The following UACA variants were observed in gnomAD, a reference collection of about 807,000 sequenced individuals.
The protein encoded by UACA is nuclear membrane binding protein.
Under a neutral mutation model 160.5 loss-of-function variants are expected in UACA, and 112 were observed. The ratio of observed to expected loss-of-function variants is 0.70; its 90% confidence interval spans 0.60 to 0.82. UACA has a LOEUF of 0.82. Among genes scored for constraint, UACA ranks in the 40% least tolerant of loss-of-function variants. UACA has a pLI of 0.00. For missense variants in UACA, 1,574 were observed against 1,614.6 expected (o/e 0.97, Z 0.43); for synonymous variants, 557 against 568.4 (o/e 0.98, Z 0.29).
intron 2 of UACA, among the ~76,000 whole-genome samples, chr15:70,697,225 T>C (rs1038222729): frequency 1.3e-5 from 2 of 152,174 alleles, no homozygotes; most frequent in Non-Finnish European, 2.9e-5. Context: ...AGTAAAAAGT[T>C]ACTAGGCCAA....
chr15:70,723,109 T>C (rs1224867205), intron 1 of UACA, among the ~76,000 whole-genome samples: 3 of 152,198 alleles, frequency 2.0e-5, no homozygotes, highest in Non-Finnish European at 4.4e-5. Flanking sequence ...TTCCTCATTT[T>C]AAAAATAATG....
chr15:70,764,005 C>G (rs1274887579), upstream of UACA, among the ~76,000 whole-genome samples: 8 of 152,232 alleles, frequency 5.3e-5, no homozygotes, highest in African/African-American at 1.9e-4. Flanking sequence ...TGTTTTACTA[C>G]CAAATCCTGG....
At chr15:70,747,048 C>T (rs1208875611) in intron 1 of UACA, among the ~76,000 whole-genome samples, 1 of 152,022 alleles carries the variant, frequency 6.6e-6, no homozygotes, top group Non-Finnish European at 1.5e-5. Flanking sequence ...TTGATGTGTG[C>T]AGCAAACCAC....
At position 70,655,431 on chromosome 15, in the gene UACA, T is replaced by C. The variant is rs566651092; in HGVS notation, c.*1625A>G. The C allele has an allele frequency of 3.4e-4, 52 of 152,318 alleles. No individual in the cohort carries two copies. The highest frequency in any genetic ancestry group is 1.2e-3 in the African/African-American group (51 of 41,564). The allele number at this position is 152,318 out of a possible 1,614,324, so 9.4% of individuals were successfully genotyped here. ...TTAGTAGAGATGGGGCTTCACCATA[T>C]TGGTAAGGCTGGTCTCGAACTTCTG... is the stretch of plus-strand genomic sequence containing the variant. On this transcript the variant is annotated 3_prime_UTR_variant, in exon 19 of 19. Coordinates refer to ENST00000322954, the MANE Select transcript of UACA (RefSeq NM_018003.4).
intron 1 of UACA, among the ~76,000 whole-genome samples, chr15:70,752,402 A>T (rs16954791): frequency 0.18 from 27,846 of 152,096 alleles, 3,965 homozygotes; most frequent in African/African-American, 0.4. Flanking sequence ...ATCTGCACAA[A>T]GTAGGCACCC....
the UACA span, among the ~76,000 whole-genome samples, chr15:70,773,446 A>G: frequency 6.6e-6 from 1 of 152,210 alleles, no homozygotes; most frequent in Non-Finnish European, 1.5e-5. Flanking sequence ...GGGAGAAACT[A>G]AAACATTTTT....
chr15:70,762,643 G>GA (rs2030839168), intron 1 of UACA, among the ~76,000 whole-genome samples: 1 of 152,172 alleles, frequency 6.6e-6, no homozygotes, highest in Admixed American at 6.5e-5. Flanking sequence ...CCACAGGTGC[G>GA]ATTTACACAA....
Position 70,666,798 on chromosome 15 carries a change from A to T in UACA, c.3886T>A (p.Ser1296Thr), listed in dbSNP as rs779798678. 4.3e-6 allele frequency: 7 copies of T among 1,613,350 alleles called. No individual in the cohort carries two copies. In the African/African-American group the frequency reaches 5.3e-5, roughly 12 times the overall value. ...TGTAACTCTGTGATTGTTGTTAAGG[A>T]CTTATCACATCGTTCCTTCTGATCC... ...IKDQKERCDK[S>T]LTTITELQRR... Residue 1296 changes from serine to threonine, a missense_variant, in exon 16 of 19, where the codon TCC becomes ACC. Transcript: ENST00000322954.
At chr15:70,705,518 A>G (rs1898500195) in intron 1 of UACA, among the ~76,000 whole-genome samples, 2 of 152,158 alleles carry the variant, frequency 1.3e-5, no homozygotes, top group African/African-American at 4.8e-5. Context: ...CTTGGGCAAC[A>G]AGAGCGAAAC....
intron 1 of UACA, among the ~76,000 whole-genome samples, chr15:70,740,230 A>G (rs951778029): frequency 1.3e-5 from 2 of 152,184 alleles, no homozygotes; most frequent in African/African-American, 4.8e-5. Flanking sequence ...TAATTTGTGA[A>G]TATTATAAAC....
At chr15:70,699,412 G>T in intron 2 of UACA, 115 bp downstream of exon 2, 1 of 1,228,496 alleles carries the variant, frequency 8.1e-7, no homozygotes, top group Non-Finnish European at 1.1e-6. Flanking sequence ...TATAGTGCAG[G>T]TTTTGGCAGA....
intron 1 of UACA, chr15:70,754,257 G>C (rs1439996965): frequency 2.4e-6 from 1 of 419,812 alleles, no homozygotes; most frequent in Non-Finnish European, 4.8e-6. Flanking sequence ...GTTAGACTTA[G>C]GATTTTTTGA....
chr15:70,728,052 T>C (rs992786483), intron 1 of UACA, among the ~76,000 whole-genome samples: 4 of 152,086 alleles, frequency 2.6e-5, no homozygotes, highest in African/African-American at 7.2e-5. Context: ...GAACAGAAGA[T>C]AGAACCCAGA....
intron 7 of UACA, among the ~76,000 whole-genome samples, chr15:70,686,130 TC>T (rs1897706979): frequency 6.7e-6 from 1 of 150,190 alleles, no homozygotes; most frequent in Non-Finnish European, 1.5e-5. Context: ...CTTAATCACA[TC>T]TTTTTTTTTT....
chr15:70,712,238 A>G (rs1898705170), intron 1 of UACA, among the ~76,000 whole-genome samples: 1 of 151,978 alleles, frequency 6.6e-6, no homozygotes, highest in Non-Finnish European at 1.5e-5. Context: ...AGAAACCTAG[A>G]TATTAATCTT....
intron 1 of UACA, among the ~76,000 whole-genome samples, chr15:70,722,737 T>C (rs1363221708): frequency 6.6e-6 from 1 of 152,232 alleles, no homozygotes; most frequent in East Asian, 1.9e-4. Context: ...ATTCTTAATA[T>C]GAGTTCACTG....
upstream of UACA, among the ~76,000 whole-genome samples, chr15:70,765,509 A>AT (rs1193748066): frequency 1.3e-5 from 2 of 152,014 alleles, no homozygotes; most frequent in Non-Finnish European, 2.9e-5. Flanking sequence ...AGTTACAGCA[A>AT]TTATACCTCT....
intron 1 of UACA, among the ~76,000 whole-genome samples, chr15:70,745,824 T>C (rs201581099): frequency 8.0e-5 from 2 of 25,034 alleles, no homozygotes; most frequent in Non-Finnish European, 6.4e-4. Flanking sequence ...TACAACCATC[T>C]GACCTTTGAC....
chr15:70,674,288 G>A (rs1595878403), intron 13 of UACA, among the ~76,000 whole-genome samples: 1 of 152,118 alleles, frequency 6.6e-6, no homozygotes, highest in Non-Finnish European at 1.5e-5. Flanking sequence ...TGAATACGTA[G>A]TGACTGAGGA....
Sources: allele counts gnomAD v4.1 joint callset (sites outside exome capture counted in the v4.1 genomes callset), GRCh38; gene constraint gnomAD v4.1.1; transcripts MANE v1.5; gene names NCBI Gene and HGNC (gene_info 2026-07-23, HGNC 2026-07-21).